Variants in ZNF516 observed in about 807,000 individuals in gnomAD.
ZNF516 encodes the protein zinc finger protein 516.
Under a neutral mutation model 79.7 loss-of-function variants are expected in ZNF516, and 19 were observed. The ratio of observed to expected loss-of-function variants is 0.24; its 90% CI spans 0.17 to 0.35. The LOEUF (loss-of-function observed/expected upper bound fraction) is 0.35. ZNF516 is among the 10% of genes least tolerant of loss of function. The pLI is 1.00. For synonymous variants in ZNF516, 877 were observed against 739.5 expected, an observed-to-expected ratio of 1.19 and a Z score of -3.02; for missense variants, 1,678 against 1,679.5, an observed-to-expected ratio of 1.00 and a Z score of 0.02.
chr18:76,478,242 A>C (rs1048546174), intron 1 of ZNF516, among the ~76,000 whole-genome samples: 2 of 152,222 alleles, frequency 1.3e-5, no homozygotes, highest in African/African-American at 4.8e-5. Context: ...CATCTCAATA[A>C]AATATTCATT....
At chr18:76,491,045 G>C (rs966327111) in intron 1 of ZNF516, 1 of 985,314 alleles carries the variant, frequency 1.0e-6, no homozygotes, top group Non-Finnish European at 1.2e-6. Context: ...TCCGCTCGCG[G>C]GCGCAGGACC....
At chr18:76,477,528 G>T (rs112589133) in intron 1 of ZNF516, among the ~76,000 whole-genome samples, 1 of 152,162 alleles carries the variant, frequency 6.6e-6, no homozygotes, top group African/African-American at 2.4e-5. Flanking sequence ...GGCGAGATTC[G>T]TTCTGTCCGG....
At chr18:76,390,422 A>G (rs562447074) in intron 3 of ZNF516, among the ~76,000 whole-genome samples, 26 of 152,286 alleles carry the variant, frequency 1.7e-4, no homozygotes, top group East Asian at 7.7e-4. Flanking sequence ...AGCCCAACAC[A>G]CACACCTGTT....
intron 2 of ZNF516, among the ~76,000 whole-genome samples, chr18:76,454,984 T>G (rs1433262893): frequency 6.6e-6 from 1 of 152,200 alleles, no homozygotes; most frequent in Non-Finnish European, 1.5e-5. Flanking sequence ...CAAGGCATAA[T>G]GTTTAACTTC....
intron 3 of ZNF516, among the ~76,000 whole-genome samples, chr18:76,418,482 A>G (rs1276715468): frequency 6.6e-6 from 1 of 152,128 alleles, no homozygotes; most frequent in Non-Finnish European, 1.5e-5. Flanking sequence ...AACATGCTGT[A>G]ACACACTAAC....
At chr18:76,482,408 G>A (rs926111739) in intron 1 of ZNF516, among the ~76,000 whole-genome samples, 1 of 152,352 alleles carries the variant, frequency 6.6e-6, no homozygotes, top group Middle Eastern at 3.4e-3. Context: ...GGAAGCCACA[G>A]GCAGTCAGCA....
At position 76,428,409 on chromosome 18, in the gene ZNF516, A is replaced by G. The variant is rs868380032; in HGVS notation, c.1810+12836T>C. Among the ~76,000 whole-genome samples, 504 of 144,788 alleles carry G rather than the reference A, an allele frequency of 3.5e-3. 2 individuals carry two copies. Among genetic ancestry groups the G allele is most frequent in the African/African-American group, 0.012 (472 of 38,906 alleles). The allele number at this position is 144,788 out of a possible 152,430, so 95.0% of individuals were successfully genotyped here. On this transcript the variant is annotated intron_variant, in intron 3 of 6. Coordinates refer to ENST00000443185, the MANE Select transcript of ZNF516 (RefSeq NM_014643.4). Reference sequence around the variant, plus strand: ...TTCTGTCTCAAAAAAAAAAAAAAAAAGAAAGAAATCCATCATGAAATCCTC... The same window carrying G: ...TTCTGTCTCAAAAAAAAAAAAAAAAGGAAAGAAATCCATCATGAAATCCTC...
intron 2 of ZNF516, among the ~76,000 whole-genome samples, chr18:76,456,752 TGG>T (rs5826456): frequency 1.0e-4 from 12 of 117,716 alleles, no homozygotes; most frequent in South Asian, 2.7e-4. Flanking sequence ...GGCTGGGGGG[TGG>T]GGGGGGGCCA....
intron 1 of ZNF516, chr18:76,491,515 G>C (rs949001722): frequency 6.9e-6 from 1 of 145,186 alleles, no homozygotes; most frequent in South Asian, 2.2e-4. Flanking sequence ...TTACAGTGCA[G>C]GCGTGTGACG....
At chr18:76,460,053 G>A (rs1033490187) in intron 2 of ZNF516, among the ~76,000 whole-genome samples, 9 of 152,138 alleles carry the variant, frequency 5.9e-5, no homozygotes, top group Non-Finnish European at 8.8e-5. Context: ...AGAAAACACC[G>A]CACTGCATTT....
At chr18:76,402,966 A>G (rs1391199507) in intron 3 of ZNF516, among the ~76,000 whole-genome samples, 1 of 152,210 alleles carries the variant, frequency 6.6e-6, no homozygotes, top group Non-Finnish European at 1.5e-5. Flanking sequence ...CAGGGCTGAG[A>G]GCCAGAAGCC....
At chr18:76,401,537 A>T (rs2075222552) in intron 3 of ZNF516, among the ~76,000 whole-genome samples, 1 of 151,842 alleles carries the variant, frequency 6.6e-6, no homozygotes, top group Admixed American at 6.5e-5. Context: ...GCCAAGCCTA[A>T]GTCCGTCCCT....
At chr18:76,440,820 G>A (rs1176110947) in intron 3 of ZNF516, among the ~76,000 whole-genome samples, 1 of 152,152 alleles carries the variant, frequency 6.6e-6, no homozygotes, top group Admixed American at 6.5e-5. Context: ...AAAAAGAAGG[G>A]GGTGAATGTC....
intron 1 of ZNF516, among the ~76,000 whole-genome samples, chr18:76,477,221 C>T (rs1297315264): frequency 6.6e-6 from 1 of 152,180 alleles, no homozygotes; most frequent in African/African-American, 2.4e-5. Flanking sequence ...AACACTGATA[C>T]TGCAATTCCA....
intron 3 of ZNF516, among the ~76,000 whole-genome samples, chr18:76,422,348 C>T (rs544590743): frequency 6.6e-6 from 1 of 152,300 alleles, no homozygotes; most frequent in South Asian, 2.1e-4. Flanking sequence ...TCTCCAGGGG[C>T]CTGACGGATG....
chr18:76,463,486 G>A lies in ZNF516; in HGVS notation c.-271-345C>T, dbSNP rs182089669. ...TCCAGCCTATCAAAATGTCACCAGG[G>A]AACACCTGCTATGCATATGCCCTGA... On this transcript the variant is annotated intron_variant, in intron 1 of 6. Transcript: ENST00000443185. Among the ~76,000 whole-genome samples the A allele has an allele frequency of 2.6e-3, 396 of 152,372 alleles. 2 individuals are homozygous for A. The highest frequency in any genetic ancestry group is 0.02 in the Middle Eastern group (6 of 294).
chr18:76,385,140 G>A (rs537777135), intron 3 of ZNF516, among the ~76,000 whole-genome samples: 5 of 152,340 alleles, frequency 3.3e-5, no homozygotes, highest in South Asian at 2.1e-4. Flanking sequence ...TGCCACAGAC[G>A]GTGACTATGG....
intron 3 of ZNF516, among the ~76,000 whole-genome samples, chr18:76,381,734 A>G (rs1322413601): frequency 6.6e-6 from 1 of 152,230 alleles, no homozygotes; most frequent in African/African-American, 2.4e-5. Context: ...TTGTCCATGT[A>G]AAAAACGCCA....
chr18:76,381,564 C>T (rs1045495962), intron 3 of ZNF516, among the ~76,000 whole-genome samples: 1 of 152,110 alleles, frequency 6.6e-6, no homozygotes, highest in South Asian at 2.1e-4. Flanking sequence ...CTTAGGAATC[C>T]CAACAAACTG....
Sources: gnomAD v4.1 joint callset for allele counts (sites outside exome capture counted in the v4.1 genomes callset) on GRCh38, gnomAD v4.1.1 for gene constraint, MANE v1.5 for transcripts, NCBI Gene and HGNC (gene_info 2026-07-23, HGNC 2026-07-21) for gene names.